The following NOL4 variants were observed in gnomAD, a reference collection of about 807,000 sequenced individuals.
NOL4 encodes nucleolar protein 4, also known as cancer/testis antigen 125.
In NOL4, 17 loss-of-function variants were observed where a neutral mutation model predicts 75.9. The ratio of observed to expected loss-of-function variants is 0.22; its 90% confidence interval spans 0.15 to 0.34. The LOEUF (loss-of-function observed/expected upper bound fraction) is 0.34. NOL4 is among the 10% of genes least tolerant of loss of function. The pLI is 1.00. For missense variants in NOL4, 614 were observed against 793.5 expected, an observed-to-expected ratio of 0.77 and a Z score of 2.72; for synonymous variants, 292 against 289.9, an observed-to-expected ratio of 1.01 and a Z score of -0.07.
At chr18:34,114,239 A>G (rs1195785384) in intron 2 of NOL4, among the ~76,000 whole-genome samples, 1 of 152,210 alleles carries the variant, frequency 6.6e-6, no homozygotes, top group Non-Finnish European at 1.5e-5. Context: ...ATTGGTGAGA[A>G]CATGTTTCAC....
chr18:34,031,442 C>G (rs2075635669), intron 5 of NOL4, among the ~76,000 whole-genome samples: 1 of 152,164 alleles, frequency 6.6e-6, no homozygotes, highest in African/African-American at 2.4e-5. Flanking sequence ...GTTTCCAAGT[C>G]CTGTACATAT....
intron 2 of NOL4, among the ~76,000 whole-genome samples, chr18:34,124,800 G>C (rs942043407): frequency 6.6e-6 from 1 of 151,992 alleles, no homozygotes; most frequent in Non-Finnish European, 1.5e-5. Context: ...CCAGCAATTT[G>C]GGAGGCTGAG....
Position 34,098,927 on chromosome 18 carries a change from C to G in NOL4, c.639+5120G>C, listed in dbSNP as rs545814808. On this transcript the variant is annotated intron_variant, in intron 4 of 10. Coordinates refer to ENST00000261592, the MANE Select transcript of NOL4 (RefSeq NM_003787.5). ...GTTCTAAGTAGTAAATTATTTACGG[C>G]CAGTTTCCTAAATTTTCCTGTGTGT... Among the ~76,000 whole-genome samples, 3 of 152,176 alleles carry G rather than the reference C, an allele frequency of 2.0e-5. No individual in the cohort carries two copies. The East Asian group carries it at 5.8e-4, about 30-fold the overall frequency.
chr18:34,183,269 TG>T (rs2034189439), intron 1 of NOL4, among the ~76,000 whole-genome samples: 4 of 151,912 alleles, frequency 2.6e-5, no homozygotes, highest in African/African-American at 9.6e-5. Context: ...ATAAAATATG[TG>T]GATGCAAATA....
chr18:33,932,658 C>T (rs1436596792), intron 9 of NOL4, among the ~76,000 whole-genome samples: 1 of 151,738 alleles, frequency 6.6e-6, no homozygotes, highest in Non-Finnish European at 1.5e-5. Flanking sequence ...TTCATTATTT[C>T]CTAATTATAA....
intron 6 of NOL4, among the ~76,000 whole-genome samples, chr18:33,994,630 G>A (rs2073147746): frequency 6.6e-6 from 1 of 151,608 alleles, no homozygotes; most frequent in South Asian, 2.1e-4. Context: ...CTTGTGAGAT[G>A]CAACTAAAGC....
At position 33,909,519 on chromosome 18, in the gene NOL4, G is replaced by C. The variant is rs541094928; in HGVS notation, c.1543-26095C>G. Among the ~76,000 whole-genome samples, 5 of 152,110 alleles carry C rather than the reference G, an allele frequency of 3.3e-5. 1 individual carries two copies. The highest frequency in any genetic ancestry group is 7.4e-5 in the Non-Finnish European group (5 of 68,016). Reference sequence around the variant, plus strand: ...GCAATCACTTCTCCAGCCATAATTTGCTGTTTCCTGAAATCCTGATCTTAA... The same window carrying C: ...GCAATCACTTCTCCAGCCATAATTTCCTGTTTCCTGAAATCCTGATCTTAA... On this transcript the variant is annotated intron_variant, in intron 9 of 10. Transcript: ENST00000261592.
At chr18:34,149,177 C>G (rs1423028374) in intron 1 of NOL4, among the ~76,000 whole-genome samples, 1 of 151,226 alleles carries the variant, frequency 6.6e-6, no homozygotes, top group Non-Finnish European at 1.5e-5. Context: ...GGATGCAGAG[C>G]AAAGAAAATA....
At chr18:34,078,044 T>C (rs2077827383) in intron 5 of NOL4, among the ~76,000 whole-genome samples, 1 of 152,170 alleles carries the variant, frequency 6.6e-6, no homozygotes, top group African/African-American at 2.4e-5. Context: ...TCATAAAATT[T>C]CCATGAACTG....
intron 5 of NOL4, among the ~76,000 whole-genome samples, chr18:34,071,442 C>G (rs867456088): frequency 8.9e-4 from 133 of 148,770 alleles, no homozygotes; most frequent in African/African-American, 3.0e-3. Flanking sequence ...CAGACAGACA[C>G]ACACACACAC....
At chr18:33,877,437 T>TAACAAAAA (rs1555641396) in intron 10 of NOL4, among the ~76,000 whole-genome samples, 6 of 106,236 alleles carry the variant, frequency 5.6e-5, no homozygotes, top group African/African-American at 1.8e-4. Context: ...GACCTTGCCT[T>TAACAAAAA]AAAAAAAAAA....
At chr18:34,155,792 A>T (rs920273806) in intron 1 of NOL4, among the ~76,000 whole-genome samples, 3 of 152,168 alleles carry the variant, frequency 2.0e-5, no homozygotes, top group Non-Finnish European at 4.4e-5. Flanking sequence ...TTAGCAAGAC[A>T]TAAAGAAAAT....
chr18:34,096,769 T>C (rs1261216046), intron 4 of NOL4, among the ~76,000 whole-genome samples: 1 of 152,184 alleles, frequency 6.6e-6, no homozygotes, highest in Non-Finnish European at 1.5e-5. Flanking sequence ...GTTTTAATAT[T>C]AGAACAATTT....
intron 10 of NOL4, among the ~76,000 whole-genome samples, chr18:33,857,612 CTT>C (rs777904169): frequency 6.6e-5 from 10 of 151,944 alleles, no homozygotes; most frequent in Non-Finnish European, 1.5e-4. Flanking sequence ...TGTAATAAAA[CTT>C]TACCAGGAAG....
chr18:33,997,095 T>G (rs2073346096), intron 6 of NOL4, among the ~76,000 whole-genome samples: 1 of 151,986 alleles, frequency 6.6e-6, no homozygotes, highest in African/African-American at 2.4e-5. Flanking sequence ...CTCTTTAGTT[T>G]AACTAGGTTC....
chr18:34,032,778 C>G (rs181557395), intron 5 of NOL4, among the ~76,000 whole-genome samples: 7 of 152,234 alleles, frequency 4.6e-5, no homozygotes, highest in African/African-American at 1.7e-4. Flanking sequence ...CCAACAAACA[C>G]CAGGGTACAC....
intron 9 of NOL4, among the ~76,000 whole-genome samples, chr18:33,892,629 T>TTTC (rs1568020448): frequency 1.0e-5 from 1 of 99,394 alleles, no homozygotes; most frequent in East Asian, 3.7e-4. Context: ...GTAATTTTCT[T>TTTC]TTCTTCTTCT....
chr18:33,986,227 A>G (rs915443122), intron 6 of NOL4, among the ~76,000 whole-genome samples: 1 of 152,118 alleles, frequency 6.6e-6, no homozygotes, highest in South Asian at 2.1e-4. Context: ...GCTATTCAAT[A>G]TATTGGTTTG....
At chr18:34,170,278 A>G (rs537712745) in intron 1 of NOL4, among the ~76,000 whole-genome samples, 1 of 152,148 alleles carries the variant, frequency 6.6e-6, no homozygotes, top group South Asian at 2.1e-4. Flanking sequence ...CCTGGGTTGA[A>G]GCGATTCTCC....
Sources: gnomAD v4.1 joint callset for allele counts (sites outside exome capture counted in the v4.1 genomes callset) on GRCh38, gnomAD v4.1.1 for gene constraint, MANE v1.5 for transcripts, NCBI Gene and HGNC (gene_info 2026-07-23, HGNC 2026-07-21) for gene names.